RARB: variants seen among roughly 807,000 people sequenced by gnomAD.
The protein encoded by RARB is retinoic acid receptor beta.
A neutral mutation model predicts 51.9 loss-of-function variants in RARB; 17 were observed. The ratio of observed to expected loss-of-function variants is 0.33; its 90% CI spans 0.22 to 0.49. RARB has a LOEUF of 0.49. Among genes scored for constraint, RARB ranks in the 20% least tolerant of loss-of-function variants. The pLI, the probability that RARB is intolerant of heterozygous loss-of-function variation, is 0.99. For missense variants in RARB, 369 were observed against 550.8 expected (o/e 0.67, Z 3.30); for synonymous variants, 215 against 195.4 (o/e 1.10, Z -0.84).
At chr3:25,213,374 C>T (rs1701745020) in intron 5 of RARB, among the ~76,000 whole-genome samples, 1 of 152,074 alleles carries the variant, frequency 6.6e-6, no homozygotes, top group African/African-American at 2.4e-5. Flanking sequence ...GGGATTTATT[C>T]ATATTGTCCT....
intron 3 of RARB, among the ~76,000 whole-genome samples, chr3:25,112,126 T>C (rs1051325638): frequency 1.1e-4 from 16 of 152,200 alleles, no homozygotes; most frequent in African/African-American, 3.9e-4. Context: ...CAGACTCTTG[T>C]AGAAGTTAAG....
intron 3 of RARB, among the ~76,000 whole-genome samples, chr3:25,072,330 G>T (rs940437159): frequency 1.8e-4 from 28 of 152,306 alleles, no homozygotes; most frequent in African/African-American, 6.7e-4. Flanking sequence ...CGCCTTATGG[G>T]GGTGATCTGT....
At chr3:24,832,630 T>C (rs4994013) in intron 1 of RARB, among the ~76,000 whole-genome samples, 39,645 of 116,106 alleles carry the variant, frequency 0.34, 6,676 homozygotes, top group South Asian at 0.43. Flanking sequence ...TGAGTCCCAA[T>C]ATATATATAT....
At chr3:24,882,196 T>G (rs951674635) in intron 2 of RARB, among the ~76,000 whole-genome samples, 1 of 152,210 alleles carries the variant, frequency 6.6e-6, no homozygotes. Context: ...AAAGAAGATA[T>G]AGCAGAACAA....
At chr3:24,993,188 A>G (rs905594698) in intron 2 of RARB, among the ~76,000 whole-genome samples, 6 of 152,194 alleles carry the variant, frequency 3.9e-5, no homozygotes, top group Non-Finnish European at 8.8e-5. Context: ...GGTGAAAAAA[A>G]TCAGAGATGC....
chr3:24,983,460 G>T (rs895817165), intron 2 of RARB, among the ~76,000 whole-genome samples: 2 of 151,934 alleles, frequency 1.3e-5, no homozygotes, highest in African/African-American at 2.4e-5. Context: ...GTGGTTTGCT[G>T]CACCTATCAA....
At chr3:25,109,401 A>G (rs1699562339) in intron 3 of RARB, among the ~76,000 whole-genome samples, 1 of 152,272 alleles carries the variant, frequency 6.6e-6, no homozygotes, top group African/African-American at 2.4e-5. Context: ...TTTTGGTACT[A>G]TGATCTGGGG....
intron 2 of RARB, among the ~76,000 whole-genome samples, chr3:24,900,917 A>G (rs553869278): frequency 3.3e-5 from 5 of 152,348 alleles, no homozygotes; most frequent in African/African-American, 9.6e-5. Context: ...CATTTACATA[A>G]TATGGGATGC....
intron 2 of RARB, among the ~76,000 whole-genome samples, chr3:24,865,276 G>A (rs939462108): frequency 1.3e-5 from 2 of 151,948 alleles, no homozygotes; most frequent in Admixed American, 6.6e-5. Flanking sequence ...TCTCACAGTT[G>A]GCCCTGTACA....
intron 2 of RARB, among the ~76,000 whole-genome samples, chr3:24,998,666 C>T (rs760824208): frequency 3.5e-4 from 54 of 152,134 alleles, no homozygotes; most frequent in Admixed American, 1.3e-4. Flanking sequence ...GAGATTACCA[C>T]TGTAGCTTAA....
chr3:24,892,345 A>G (rs1456103260), intron 2 of RARB, among the ~76,000 whole-genome samples: 1 of 152,108 alleles, frequency 6.6e-6, no homozygotes, highest in Non-Finnish European at 1.5e-5. Context: ...TTATAATCCA[A>G]GGAAGCTGAA....
At chr3:25,391,205 G>T (rs1447017475) in intron 5 of RARB, among the ~76,000 whole-genome samples, 2 of 151,978 alleles carry the variant, frequency 1.3e-5, no homozygotes, top group Non-Finnish European at 2.9e-5. Flanking sequence ...CTCCATCCAG[G>T]TTTCTGTAAA....
At chr3:25,279,448 T>C (rs1254830530) in intron 5 of RARB, among the ~76,000 whole-genome samples, 1 of 152,224 alleles carries the variant, frequency 6.6e-6, no homozygotes, top group Non-Finnish European at 1.5e-5. Context: ...TAATAGGTTG[T>C]TCTAGGAGTT....
intron 2 of RARB, among the ~76,000 whole-genome samples, chr3:24,986,762 C>T (rs190091041): frequency 6.6e-6 from 1 of 152,134 alleles, no homozygotes; most frequent in Non-Finnish European, 1.5e-5. Context: ...TGTAATTTCA[C>T]TGGAAATCAG....
chr3:25,005,990 CAAGAG>C (rs1697264036), intron 2 of RARB, among the ~76,000 whole-genome samples: 1 of 152,104 alleles, frequency 6.6e-6, no homozygotes, highest in South Asian at 2.1e-4. Flanking sequence ...ATTGTTCCTA[CAAGAG>C]GCCACTGACA....
chr3:25,254,837 T>C (rs73045970), intron 5 of RARB, among the ~76,000 whole-genome samples: 1 of 152,098 alleles, frequency 6.6e-6, no homozygotes, highest in African/African-American at 2.4e-5. Context: ...TGCCATTACC[T>C]TGGACAACTT....
At chr3:25,089,873 A>G (rs1376660235) in intron 3 of RARB, among the ~76,000 whole-genome samples, 1 of 152,140 alleles carries the variant, frequency 6.6e-6, no homozygotes, top group African/African-American at 2.4e-5. Context: ...TGAAATTAAG[A>G]GAAAGACAGT....
chr3:25,159,389 G>T (rs940687094), intron 4 of RARB, among the ~76,000 whole-genome samples: 1 of 139,976 alleles, frequency 7.1e-6, no homozygotes, highest in Non-Finnish European at 1.5e-5. Context: ...GGCTGGTCTC[G>T]AACTCCTGAC....
intron 4 of RARB, among the ~76,000 whole-genome samples, chr3:25,135,944 A>AAT (rs11457527): frequency 6.6e-6 from 1 of 151,466 alleles, no homozygotes; most frequent in African/African-American, 2.4e-5. Context: ...CATTAAAAAA[A>AAT]GAAATATAAA....
Sources: allele counts gnomAD v4.1 joint callset (sites outside exome capture counted in the v4.1 genomes callset), GRCh38; gene constraint gnomAD v4.1.1; transcripts MANE v1.5; gene names NCBI Gene and HGNC (gene_info 2026-07-23, HGNC 2026-07-21).